The following RGS6 variants were observed in gnomAD, a reference collection of about 807,000 sequenced individuals.
The protein encoded by RGS6 is regulator of G-protein signaling 6.
In RGS6, 30 loss-of-function variants were observed where a neutral mutation model predicts 78.5. The observed-to-expected ratio is 0.38, with a 90% CI of 0.29 to 0.52. RGS6 has a LOEUF of 0.52. RGS6 is among the 20% of genes least tolerant of loss of function. RGS6 has a pLI of 0.85. For synonymous variants in RGS6, 206 were observed against 206.0 expected (o/e 1.00, Z 0.00); for missense variants, 495 against 609.7 (o/e 0.81, Z 1.98).
chr14:72,546,952 C>T (rs560149620), intron 17 of RGS6, among the ~76,000 whole-genome samples: 4 of 152,326 alleles, frequency 2.6e-5, no homozygotes, highest in East Asian at 1.9e-4. Flanking sequence ...ACTTTACAAG[C>T]GGCTGATGGG....
chr14:72,075,403 G>A (rs1014978986), intron 2 of RGS6, among the ~76,000 whole-genome samples: 13 of 152,044 alleles, frequency 8.6e-5, no homozygotes, highest in South Asian at 4.2e-4. Context: ...ATTTTATGGT[G>A]TGTATGTATT....
Position 72,536,407 on chromosome 14 carries a change from G to T in RGS6, c.1368+132G>T, listed in dbSNP as rs114963899. 4,950 of 685,082 alleles carry T rather than the reference G, an allele frequency of 7.2e-3. 171 individuals carry two copies. The African/African-American group carries it at 0.078, about 11-fold the overall frequency. The allele number at this position is 685,082 out of a possible 1,614,324, so 42.4% of individuals were successfully genotyped here. A position where few individuals can be genotyped will look rare whatever the true frequency, so the allele number is the denominator to read the frequency against. On this transcript the variant is annotated intron_variant, in intron 16 of 17. Coordinates refer to ENST00000553525, the MANE Select transcript of RGS6 (RefSeq NM_001204424.2). Reference sequence around the variant, plus strand: ...ACTTTCTTCTTTCCCTTCTCTATCTGCTCCCATTCTAATGGAAAACAGTTA... The same window carrying T: ...ACTTTCTTCTTTCCCTTCTCTATCTTCTCCCATTCTAATGGAAAACAGTTA...
At chr14:72,618,545 T>C in the RGS6 span, among the ~76,000 whole-genome samples, 1 of 152,202 alleles carries the variant, frequency 6.6e-6, no homozygotes, top group Non-Finnish European at 1.5e-5. Flanking sequence ...GCCTGGCCTC[T>C]TGCAAAGTCT....
chr14:71,903,482 TC>T, the RGS6 span, among the ~76,000 whole-genome samples: 1 of 152,248 alleles, frequency 6.6e-6, no homozygotes, highest in South Asian at 2.1e-4. Context: ...TGCTAGTGTC[TC>T]ATATCCAGTT....
At chr14:72,194,277 A>G (rs1013288362) in intron 2 of RGS6, among the ~76,000 whole-genome samples, 4 of 152,240 alleles carry the variant, frequency 2.6e-5, no homozygotes, top group African/African-American at 4.8e-5. Flanking sequence ...TTGAATACCT[A>G]TCATGAACCT....
rs75096739 is a variant in RGS6 at position 72,003,215 on chromosome 14, A to T, written c.84+38340A>T. Among the ~76,000 whole-genome samples, 464 of 152,246 alleles carry T rather than the reference A, an allele frequency of 3.0e-3. 4 individuals carry two copies. Among genetic ancestry groups the T allele is most frequent in the African/African-American group, 0.011 (450 of 41,532 alleles). On this transcript the variant is annotated intron_variant, in intron 2 of 17. Coordinates refer to ENST00000553525, the MANE Select transcript of RGS6 (RefSeq NM_001204424.2). ...TACCCACTGGCCACCAGGTACTCAC[A>T]CTGCAGTGAAAGGATTCCTAAAAAC...
chr14:72,163,499 T>C (rs760019552), intron 2 of RGS6, among the ~76,000 whole-genome samples: 9 of 152,280 alleles, frequency 5.9e-5, no homozygotes, highest in Admixed American at 1.3e-4. Flanking sequence ...GCCTGAGCCA[T>C]TGAAAATAAA....
At chr14:72,239,123 T>C (rs1321787981) in intron 2 of RGS6, among the ~76,000 whole-genome samples, 1 of 152,188 alleles carries the variant, frequency 6.6e-6, no homozygotes, top group African/African-American at 2.4e-5. Context: ...GAGACCCAAG[T>C]GAGCACCTGA....
Position 72,478,321 on chromosome 14 carries a change from G to A in RGS6, c.846G>A (p.Val282=). The part of the protein sequence containing the change: ...IDRHCLKMSK[V]AESLIAYTEQ... Reference sequence around the variant, plus strand: ...GACATTGTTTGAAAATGTCCAAAGTGGCTGAAAGGTATGTTTTCCTTTAAT... The same window carrying A: ...GACATTGTTTGAAAATGTCCAAAGTAGCTGAAAGGTATGTTTTCCTTTAAT... Residue 282 remains valine (V), a synonymous_variant, in exon 12 of 18, where the codon GTG becomes GTA. Transcript: ENST00000553525. 6.2e-7 allele frequency: 1 copy of A among 1,607,002 alleles called. No individual in the cohort carries two copies. Among genetic ancestry groups the A allele is most frequent in the African/African-American group, 1.3e-5 (1 of 74,910 alleles).
At chr14:72,527,957 G>T (rs935407810) in intron 15 of RGS6, among the ~76,000 whole-genome samples, 1 of 152,194 alleles carries the variant, frequency 6.6e-6, no homozygotes, top group Non-Finnish European at 1.5e-5. Flanking sequence ...GCTCTTGGCC[G>T]CTGTGCAATG....
intron 2 of RGS6, among the ~76,000 whole-genome samples, chr14:72,242,364 G>A (rs1477852727): frequency 1.3e-5 from 2 of 152,088 alleles, no homozygotes; most frequent in Non-Finnish European, 2.9e-5. Context: ...TGTATTTTTG[G>A]GAGGCTCTGC....
At chr14:72,041,565 C>T (rs1231118305) in intron 2 of RGS6, among the ~76,000 whole-genome samples, 1 of 152,240 alleles carries the variant, frequency 6.6e-6, no homozygotes, top group East Asian at 1.9e-4. Context: ...GCATTCACTC[C>T]TCTTTTCCTC....
At chr14:72,235,326 T>C (rs1199527380) in intron 2 of RGS6, among the ~76,000 whole-genome samples, 1 of 152,160 alleles carries the variant, frequency 6.6e-6, no homozygotes, top group Admixed American at 6.5e-5. Flanking sequence ...ACTCAGGGCA[T>C]GTTCTGGGGG....
chr14:72,174,113 ATTC>A (rs1445795729), intron 2 of RGS6, among the ~76,000 whole-genome samples: 1 of 54,012 alleles, frequency 1.9e-5, no homozygotes, highest in Admixed American at 1.8e-4. Context: ...AACACATTGG[ATTC>A]TTTTTTTTTG....
At chr14:72,382,689 A>G (rs2086510632) in intron 3 of RGS6, among the ~76,000 whole-genome samples, 1 of 152,220 alleles carries the variant, frequency 6.6e-6, no homozygotes, top group African/African-American at 2.4e-5. Context: ...TAATCCAGGC[A>G]TGACGTTTGG....
At chr14:72,061,912 A>G (rs1022975685) in intron 2 of RGS6, among the ~76,000 whole-genome samples, 6 of 152,376 alleles carry the variant, frequency 3.9e-5, no homozygotes, top group Middle Eastern at 3.4e-3. Context: ...GGCATTTGGT[A>G]TAAACCAGGC....
chr14:72,474,521 T>G, intron 9 of RGS6, 104 bp from the exon 10 acceptor site: 1 of 1,037,896 alleles, frequency 9.6e-7, no homozygotes, highest in Non-Finnish European at 1.4e-6. Flanking sequence ...ATGCATTGTC[T>G]GTAATGGAAA....
At chr14:72,021,617 T>C (rs1046581228) in intron 2 of RGS6, among the ~76,000 whole-genome samples, 27 of 151,828 alleles carry the variant, frequency 1.8e-4, no homozygotes, top group African/African-American at 5.8e-4. Flanking sequence ...TACAGGCGCC[T>C]GCCACCACAC....
chr14:72,181,074 T>C (rs2097168100), intron 2 of RGS6, among the ~76,000 whole-genome samples: 1 of 152,250 alleles, frequency 6.6e-6, no homozygotes, highest in Non-Finnish European at 1.5e-5. Context: ...CAGCTGGGAA[T>C]GGGAATTTAT....
Sources: allele counts gnomAD v4.1 joint callset (sites outside exome capture counted in the v4.1 genomes callset), GRCh38; gene constraint gnomAD v4.1.1; transcripts MANE v1.5; gene names NCBI Gene and HGNC (gene_info 2026-07-23, HGNC 2026-07-21).